The following DNAH9 variants were observed in gnomAD, a reference collection of about 807,000 sequenced individuals.
DNAH9 encodes the protein DNAH9 variant protein.
A neutral mutation model predicts 471.6 loss-of-function variants in DNAH9; 345 were observed. The ratio of observed to expected loss-of-function variants is 0.73; its 90% CI spans 0.67 to 0.80. The LOEUF (loss-of-function observed/expected upper bound fraction) is 0.80, where lower values mean the gene tolerates loss of function less well. Ranked by LOEUF, DNAH9 falls within the 30% of genes least tolerant of loss-of-function variation. The pLI is 0.00. For missense variants in DNAH9, 5,407 were observed against 5,609.2 expected (o/e 0.96, Z 1.15); for synonymous variants, 2,093 against 2,123.6 (o/e 0.99, Z 0.40).
At chr17:11,673,875 T>C (rs1050704555) in intron 17 of DNAH9, among the ~76,000 whole-genome samples, 20 of 152,196 alleles carry the variant, frequency 1.3e-4, no homozygotes, top group African/African-American at 4.8e-4. Context: ...TATATACACA[T>C]GTGTATGCAT....
rs757608815 is a variant in DNAH9, at chr17:11,783,659, A to C, written c.7732A>C (p.Lys2578Gln). The C allele has an allele frequency of 6.2e-7, 1 of 1,614,064 alleles. No homozygotes were observed. Among genetic ancestry groups the C allele is most frequent in the African/African-American group, 1.3e-5 (1 of 75,022 alleles). ...LDYGHWYDRS[K>Q]LSLKEITNVQ... ...TGACTGTTCCAGGTATGATCGGAGCAAGCTGTCCCTAAAGGAGATCACAAA... is the reference window on the plus strand; with the variant it reads ...TGACTGTTCCAGGTATGATCGGAGCCAGCTGTCCCTAAAGGAGATCACAAA... Residue 2578 changes from lysine to glutamine, a missense_variant, in exon 40 of 69, where the codon AAG becomes CAG. Transcript: ENST00000262442.
chr17:11,923,911 T>G lies in DNAH9; in HGVS notation c.11847T>G (p.Ala3949=), dbSNP rs1040509990. 6.2e-6 allele frequency: 10 copies of G among 1,613,972 alleles called. No homozygotes were observed. Among genetic ancestry groups the G allele is most frequent in the Middle Eastern group, 1.6e-4 (1 of 6,082 alleles). The change falls in exon 62 of 69, where the codon GCT becomes GCG. Residue 3949 remains alanine, a synonymous_variant. Coordinates refer to ENST00000262442, the MANE Select transcript of DNAH9 (RefSeq NM_001372.4). ...EVVAEAALDL[A]AKKGHWVILQ... is the part of the protein sequence containing the mutation. ...TGGCTGAGGCTGCGCTGGACCTCGC[T>G]GCCAAGAAAGGTCACTGGGTTATTT...
Position 11,854,198 on chromosome 17 carries a change from G to A in DNAH9, c.9703G>A (p.Glu3235Lys), listed in dbSNP as rs758714481. 3.3e-5 allele frequency: 54 copies of A among 1,613,988 alleles called. No homozygotes were observed. In the South Asian group the frequency reaches 4.0e-4, roughly 12 times the overall value. ...AAACTTCAACAAAGAGAACATTCAC[G>A]AGAACTGCCTCAAAGCCATCAGGCC... ...LINFNKENIHENCLKAIRPYL... is the reference protein window; with the variant it reads ...LINFNKENIHKNCLKAIRPYL... Residue 3235 changes from glutamate to lysine, a missense_variant, in exon 50 of 69, where the codon GAG (glutamate) becomes AAG (lysine). Transcript: ENST00000262442.
At chr17:11,708,004 CACACACACACAGAGAG>C (rs1281058636) in intron 26 of DNAH9, among the ~76,000 whole-genome samples, 84 of 49,034 alleles carry the variant, frequency 1.7e-3, no homozygotes, top group African/African-American at 3.6e-3. Context: ...CACACACACA[CACACACACACAGAGAG>C]AGAGAGAGAG....
At position 11,834,901 on chromosome 17, in the gene DNAH9, A is replaced by G. The variant is rs1360107487; in HGVS notation, c.9507+3A>G. ...CAGCTCTCAACACCCTGAACAAGGT[A>G]GGAGGACTGTCTGCCATACCTGCTC... On this transcript the variant is annotated splice_donor_region_variant and intron_variant, in intron 49 of 68. Transcript: ENST00000262442. 1 of 1,611,762 alleles carries G rather than the reference A, an allele frequency of 6.2e-7. No individual in the cohort carries two copies. The highest frequency in any genetic ancestry group is 1.1e-5 in the South Asian group (1 of 90,786).
At chr17:11,650,919 G>A (rs1434371408) in intron 12 of DNAH9, 150 bp from the exon 13 acceptor site, 1 of 781,402 alleles carries the variant, frequency 1.3e-6, no homozygotes, top group Non-Finnish European at 2.0e-6. Context: ...TTCCTTTTCT[G>A]AGACTAGATT....
At chr17:11,878,749 C>G (rs764954933) in intron 53 of DNAH9, among the ~76,000 whole-genome samples, 2 of 152,002 alleles carry the variant, frequency 1.3e-5, no homozygotes, top group Non-Finnish European at 2.9e-5. Flanking sequence ...GAGAGGGTGT[C>G]TCACCATATT....
At chr17:11,821,575 A>G (rs1476072870) in intron 45 of DNAH9, among the ~76,000 whole-genome samples, 1 of 152,268 alleles carries the variant, frequency 6.6e-6, no homozygotes, top group East Asian at 1.9e-4. Context: ...TTCCTGCTAA[A>G]TATTAAACTC....
intron 45 of DNAH9, among the ~76,000 whole-genome samples, chr17:11,815,789 CAAAAAAA>C (rs1406844483): frequency 1.3e-5 from 2 of 151,298 alleles, no homozygotes; most frequent in Non-Finnish European, 2.9e-5. Flanking sequence ...ACCATGTCTC[CAAAAAAA>C]GAAAAAAGAA....
chr17:11,723,864 G>A (rs372296726), intron 27 of DNAH9, among the ~76,000 whole-genome samples: 5 of 151,766 alleles, frequency 3.3e-5, no homozygotes, highest in African/African-American at 9.7e-5. Context: ...TAGTAGAGAC[G>A]GTGTCTCACT....
intron 14 of DNAH9, among the ~76,000 whole-genome samples, chr17:11,654,718 C>A (rs1473551339): frequency 1.3e-5 from 2 of 151,908 alleles, no homozygotes; most frequent in African/African-American, 2.4e-5. Flanking sequence ...CTATACACTA[C>A]CATACAGTGC....
intron 50 of DNAH9, among the ~76,000 whole-genome samples, chr17:11,859,777 T>C (rs1212759816): frequency 6.6e-6 from 1 of 152,112 alleles, no homozygotes; most frequent in Non-Finnish European, 1.5e-5. Context: ...AGATCTCCCC[T>C]GAACTAACTG....
Position 11,784,237 on chromosome 17 carries a change from A to G in DNAH9, c.7822-63A>G. On this transcript the variant is annotated intron_variant, in intron 40 of 68. Coordinates refer to ENST00000262442, the MANE Select transcript of DNAH9 (RefSeq NM_001372.4). ...AGAATTTTCTGTTATCTCCAAATTC[A>G]GAAGCGGTGATTTCTACTCCGTGGT... 1.9e-6 allele frequency: 3 copies of G among 1,597,078 alleles called. No individual in the cohort carries two copies. In the South Asian group the frequency reaches 3.3e-5, roughly 18 times the overall value.
intron 12 of DNAH9, among the ~76,000 whole-genome samples, chr17:11,649,552 T>G (rs1391800351): frequency 6.6e-6 from 1 of 152,190 alleles, no homozygotes; most frequent in Non-Finnish European, 1.5e-5. Flanking sequence ...AGGATAAAAG[T>G]CCAGAAATGG....
chr17:11,839,120 C>A (rs1567838810), intron 49 of DNAH9, among the ~76,000 whole-genome samples: 6 of 152,158 alleles, frequency 3.9e-5, no homozygotes, highest in Admixed American at 3.9e-4. Flanking sequence ...CCTCCCACCC[C>A]CTCAAAGTTA....
At chr17:11,757,394 C>T (rs1967443372) in intron 34 of DNAH9, 151 bp from the exon 35 acceptor site, 2 of 676,618 alleles carry the variant, frequency 3.0e-6, no homozygotes, top group Non-Finnish European at 4.9e-6. Flanking sequence ...CAATAGCAAA[C>T]CCATTTACCC....
intron 4 of DNAH9, among the ~76,000 whole-genome samples, chr17:11,613,804 G>T (rs1451680924): frequency 1.3e-5 from 2 of 152,046 alleles, no homozygotes; most frequent in Non-Finnish European, 1.5e-5. Flanking sequence ...ACATACAAAG[G>T]ACATATGTGA....
In DNAH9 at chr17:11,741,127, T is replaced by G. The variant is rs551441643; in HGVS notation, c.5973-1048T>G. ...CAGCATTTGGTTGCTCCTTTGAATT[T>G]GAATACAATGTAAAATATTTCAAGA... On this transcript the variant is annotated intron_variant, in intron 29 of 68. Coordinates refer to ENST00000262442, the MANE Select transcript of DNAH9 (RefSeq NM_001372.4). Among the ~76,000 whole-genome samples the G allele has an allele frequency of 2.6e-5, 4 of 152,312 alleles. No homozygotes were observed. In the South Asian group the frequency reaches 8.3e-4, roughly 32 times the overall value.
At position 11,604,093 on chromosome 17, in the gene DNAH9, G is replaced by A. The variant is rs761043218; in HGVS notation, c.418-4036G>A. Among the ~76,000 whole-genome samples the A allele has an allele frequency of 1.1e-4, 17 of 150,798 alleles. No homozygotes were observed. The South Asian group carries it at 1.5e-3, about 13-fold the overall frequency. On this transcript the variant is annotated intron_variant, in intron 1 of 68. Coordinates refer to ENST00000262442, the MANE Select transcript of DNAH9 (RefSeq NM_001372.4). ...GCTGGAGTGCAGTGGCATGATCTCC[G>A]CTTGCTGCAACCTCCGCCTCCTGGG...
Sources: allele counts gnomAD v4.1 joint callset (sites outside exome capture counted in the v4.1 genomes callset), GRCh38; gene constraint gnomAD v4.1.1; transcripts MANE v1.5; gene names NCBI Gene and HGNC (gene_info 2026-07-23, HGNC 2026-07-21).